The following RARB variants were observed in gnomAD, a reference collection of about 807,000 sequenced individuals.
The protein encoded by RARB is retinoic acid receptor beta.
In RARB, 17 loss-of-function variants were observed where a neutral mutation model predicts 51.9. The ratio of observed to expected loss-of-function variants is 0.33; its 90% confidence interval spans 0.22 to 0.49. The LOEUF is 0.49. RARB is among the 20% of genes least tolerant of loss of function. RARB has a pLI of 0.99. For synonymous variants in RARB, 215 were observed against 195.4 expected, an observed-to-expected ratio of 1.10 and a Z score of -0.84; for missense variants, 369 against 550.8, an observed-to-expected ratio of 0.67 and a Z score of 3.30.
At chr3:25,583,055 T>A (rs1488750745) in intron 5 of RARB, among the ~76,000 whole-genome samples, 1 of 151,760 alleles carries the variant, frequency 6.6e-6, no homozygotes, top group African/African-American at 2.4e-5. Flanking sequence ...GCCATGGGGG[T>A]GAGGAGTCTG....
intron 3 of RARB, among the ~76,000 whole-genome samples, chr3:25,569,439 C>CTTCT (rs1432443109): frequency 6.6e-6 from 1 of 152,226 alleles, no homozygotes; most frequent in Non-Finnish European, 1.5e-5. Flanking sequence ...TGGAAAAATC[C>CTTCT]TTCTCTCTTC....
At chr3:25,192,661 A>G (rs1049778099) in intron 5 of RARB, among the ~76,000 whole-genome samples, 3 of 152,068 alleles carry the variant, frequency 2.0e-5, no homozygotes, top group South Asian at 4.1e-4. Flanking sequence ...ACCTCTGGCA[A>G]TTAATGAGTG....
intron 4 of RARB, among the ~76,000 whole-genome samples, chr3:25,170,106 G>A (rs1700619816): frequency 6.6e-6 from 1 of 152,042 alleles, no homozygotes; most frequent in Non-Finnish European, 1.5e-5. Context: ...CTCAAGCAGG[G>A]GTCAGCAAAC....
intron 2 of RARB, among the ~76,000 whole-genome samples, chr3:24,976,035 T>C (rs1696504246): frequency 6.6e-6 from 1 of 152,182 alleles, no homozygotes; most frequent in Non-Finnish European, 1.5e-5. Flanking sequence ...TTTTCTGTCC[T>C]TGTGAGAGTC....
intron 3 of RARB, among the ~76,000 whole-genome samples, chr3:25,125,524 G>C (rs1375003970): frequency 6.6e-6 from 1 of 152,176 alleles, no homozygotes; most frequent in African/African-American, 2.4e-5. Flanking sequence ...GTTCAGTTGG[G>C]TAGGCATGAA....
intron 5 of RARB, among the ~76,000 whole-genome samples, chr3:25,199,880 A>G (rs908584287): frequency 1.3e-5 from 2 of 152,142 alleles, no homozygotes; most frequent in Non-Finnish European, 2.9e-5. Flanking sequence ...AGTCTTTGCT[A>G]TTGTGAATAG....
At chr3:25,492,694 C>G (rs184474188) in intron 2 of RARB, among the ~76,000 whole-genome samples, 8,133 of 152,270 alleles carry the variant, frequency 0.053, 275 homozygotes, top group Non-Finnish European at 0.079. Context: ...TGATGTTTTG[C>G]TAAACCTGTA....
intron 2 of RARB, among the ~76,000 whole-genome samples, chr3:24,967,399 C>T (rs543199239): frequency 3.4e-4 from 52 of 152,242 alleles, no homozygotes; most frequent in South Asian, 2.3e-3. Context: ...TCACTACCCC[C>T]GCAAATTCTA....
chr3:25,091,894 C>G (rs1002158413), intron 3 of RARB, among the ~76,000 whole-genome samples: 10 of 152,130 alleles, frequency 6.6e-5, no homozygotes, highest in Non-Finnish European at 7.4e-5. Context: ...AAAATGCATC[C>G]TGCAACTTGG....
At chr3:25,551,353 C>A (rs1191832597) in intron 3 of RARB, among the ~76,000 whole-genome samples, 1 of 152,134 alleles carries the variant, frequency 6.6e-6, no homozygotes, top group African/African-American at 2.4e-5. Flanking sequence ...CTATTGTCTG[C>A]AAAGCATCAT....
At chr3:24,976,057 A>G (rs1696504907) in intron 2 of RARB, among the ~76,000 whole-genome samples, 1 of 152,112 alleles carries the variant, frequency 6.6e-6, no homozygotes, top group South Asian at 2.1e-4. Context: ...GCAGAGAATG[A>G]TGGTTTCCAG....
intron 1 of RARB, among the ~76,000 whole-genome samples, chr3:25,452,504 G>A (rs1373463188): frequency 6.6e-6 from 1 of 152,110 alleles, no homozygotes; most frequent in Non-Finnish European, 1.5e-5. Flanking sequence ...ATCTTGAATG[G>A]AATCAGTGTT....
chr3:24,832,700 A>T (rs1200047511), intron 1 of RARB, among the ~76,000 whole-genome samples: 1 of 146,884 alleles, frequency 6.8e-6, no homozygotes, highest in Non-Finnish European at 1.5e-5. Context: ...GTTATGTGGG[A>T]AAATAAATGC....
chr3:24,904,732 G>C (rs140575625), intron 2 of RARB, among the ~76,000 whole-genome samples: 3,608 of 152,192 alleles, frequency 0.024, 81 homozygotes, highest in Middle Eastern at 0.075. Flanking sequence ...CTGCAGCACT[G>C]TTCACAATAG....
intron 4 of RARB, among the ~76,000 whole-genome samples, chr3:25,163,903 T>A (rs1039003655): frequency 1.3e-5 from 2 of 152,278 alleles, no homozygotes; most frequent in African/African-American, 4.8e-5. Context: ...CTGAGTATGG[T>A]AACTTTCCTG....
chr3:25,307,591 A>G (rs1704184194), intron 5 of RARB, among the ~76,000 whole-genome samples: 1 of 152,140 alleles, frequency 6.6e-6, no homozygotes. Flanking sequence ...TGTATTTTCA[A>G]GGTATTATCA....
intron 5 of RARB, among the ~76,000 whole-genome samples, chr3:25,412,188 C>A (rs976690253): frequency 6.6e-6 from 1 of 152,162 alleles, no homozygotes; most frequent in Non-Finnish European, 1.5e-5. Context: ...AACTAGAGGA[C>A]AATGGATGTT....
At chr3:24,976,942 G>C (rs978683784) in intron 2 of RARB, among the ~76,000 whole-genome samples, 2 of 152,190 alleles carry the variant, frequency 1.3e-5, no homozygotes, top group African/African-American at 2.4e-5. Context: ...TTTGTGTAAG[G>C]TGTAAGTAAG....
chr3:25,216,762 A>G (rs931165319), intron 5 of RARB, among the ~76,000 whole-genome samples: 1 of 151,276 alleles, frequency 6.6e-6, no homozygotes, highest in Admixed American at 6.6e-5. Flanking sequence ...ACATATATAT[A>G]TATTTTGTTT....
Sources: allele counts gnomAD v4.1 joint callset (sites outside exome capture counted in the v4.1 genomes callset), GRCh38; gene constraint gnomAD v4.1.1; transcripts MANE v1.5; gene names NCBI Gene and HGNC (gene_info 2026-07-23, HGNC 2026-07-21).